FAM81A: variants seen among roughly 807,000 people sequenced by gnomAD.
FAM81A encodes the protein family with sequence similarity 81 member A.
FAM81A carries 19 observed loss-of-function variants against 46.7 expected under a neutral mutation model. The ratio of observed to expected loss-of-function variants is 0.41; its 90% CI spans 0.28 to 0.60. FAM81A has a LOEUF of 0.60. Among genes scored for constraint, FAM81A ranks in the 20% least tolerant of loss-of-function variants. FAM81A has a pLI of 0.34. For synonymous variants in FAM81A, 183 were observed against 152.9 expected, an observed-to-expected ratio of 1.20 and a Z score of -1.45; for missense variants, 377 against 453.5, an observed-to-expected ratio of 0.83 and a Z score of 1.53.
intron 4 of FAM81A, among the ~76,000 whole-genome samples, 169 bp from the exon 5 acceptor site, chr15:59,507,044 A>T (rs2082156482): frequency 6.6e-6 from 1 of 152,264 alleles, no homozygotes; most frequent in South Asian, 2.1e-4. Flanking sequence ...GGTTTACCTT[A>T]AAAACCATAA....
chr15:59,496,050 T>C (rs2082029921), intron 4 of FAM81A, among the ~76,000 whole-genome samples: 1 of 152,228 alleles, frequency 6.6e-6, no homozygotes, highest in Non-Finnish European at 1.5e-5. Flanking sequence ...TTTTCTTCAG[T>C]TGCTAGTGTT....
intron 2 of FAM81A, among the ~76,000 whole-genome samples, chr15:59,426,527 G>T (rs1388894932): frequency 1.3e-5 from 2 of 152,178 alleles, no homozygotes; most frequent in East Asian, 3.9e-4. Flanking sequence ...CAGGAGAATC[G>T]CTTGAACCCA....
Position 59,472,201 on chromosome 15 carries a change from C to T in FAM81A, c.294+11995C>T, listed in dbSNP as rs369464029. ...TAAAACCTGAGCAGGCTGGGCTGGG[C>T]GCGGTGGCTCATACCTGTAATCCCA... On this transcript the variant is annotated intron_variant, in intron 3 of 8. Coordinates refer to ENST00000288228, the MANE Select transcript of FAM81A (RefSeq NM_152450.3). Among the ~76,000 whole-genome samples the T allele has an allele frequency of 7.1e-4, 108 of 152,034 alleles. No individual in the cohort carries two copies. The East Asian group carries it at 0.015, about 21-fold the overall frequency.
intron 1 of FAM81A, among the ~76,000 whole-genome samples, chr15:59,444,720 G>A (rs8025450): frequency 0.54 from 81,820 of 151,984 alleles, 22,671 homozygotes; most frequent in Non-Finnish European, 0.62. Flanking sequence ...CTCTCTCTTA[G>A]TAACTCTTCT....
intron 2 of FAM81A, 130 bp downstream of exon 2, chr15:59,458,776 C>T (rs185092645): frequency 8.4e-6 from 7 of 835,112 alleles, no homozygotes; most frequent in African/African-American, 3.4e-5. Flanking sequence ...ATTGTGTCCT[C>T]TAGCTTTCAA....
At chr15:59,465,737 G>A (rs180990473) in intron 3 of FAM81A, among the ~76,000 whole-genome samples, 20 of 151,806 alleles carry the variant, frequency 1.3e-4, no homozygotes, top group African/African-American at 3.9e-4. Context: ...GGGTACATGC[G>A]CACAACGTGC....
intron 3 of FAM81A, among the ~76,000 whole-genome samples, chr15:59,482,105 T>G (rs2141717037): frequency 6.6e-6 from 1 of 152,248 alleles, no homozygotes; most frequent in East Asian, 1.9e-4. Flanking sequence ...TGATTTGTAC[T>G]TCTTATTTCT....
chr15:59,465,866 C>A (rs1352460907), intron 3 of FAM81A, among the ~76,000 whole-genome samples: 1 of 152,092 alleles, frequency 6.6e-6, no homozygotes, highest in African/African-American at 2.4e-5. Flanking sequence ...CGCTGACAGA[C>A]CCCGGTGTGT....
intron 2 of FAM81A, among the ~76,000 whole-genome samples, chr15:59,458,951 A>G (rs1284049202): frequency 2.6e-5 from 4 of 152,236 alleles, no homozygotes; most frequent in African/African-American, 7.2e-5. Context: ...TTAGGGGCCT[A>G]TCGGCCAAAA....
chr15:59,413,483 C>A (rs535989849), intron 2 of FAM81A, among the ~76,000 whole-genome samples: 2 of 151,898 alleles, frequency 1.3e-5, no homozygotes, highest in African/African-American at 4.8e-5. Flanking sequence ...CTATATCACA[C>A]CCTGTGAACT....
chr15:59,487,676 A>G (rs866469356), intron 3 of FAM81A, among the ~76,000 whole-genome samples: 7 of 152,176 alleles, frequency 4.6e-5, no homozygotes, highest in Non-Finnish European at 5.9e-5. Context: ...AAATTCTTAG[A>G]CACATACAAC....
At chr15:59,411,999 A>G (rs369716055) in intron 2 of FAM81A, among the ~76,000 whole-genome samples, 1 of 151,878 alleles carries the variant, frequency 6.6e-6, no homozygotes, top group African/African-American at 2.4e-5. Context: ...AACAAACAAA[A>G]AAAAAAAACG....
chr15:59,457,645 T>A (rs1278380504), intron 1 of FAM81A, among the ~76,000 whole-genome samples: 1 of 152,076 alleles, frequency 6.6e-6, no homozygotes, highest in Admixed American at 6.6e-5. Context: ...CATGAATGAC[T>A]TTTTTTTCCT....
intron 3 of FAM81A, among the ~76,000 whole-genome samples, chr15:59,482,065 C>T (rs1276373578): frequency 6.6e-6 from 1 of 152,060 alleles, no homozygotes; most frequent in Non-Finnish European, 1.5e-5. Context: ...CTATCAACAT[C>T]CCACACCAGA....
At chr15:59,462,941 A>G (rs1319597821) in intron 3 of FAM81A, among the ~76,000 whole-genome samples, 8 of 152,300 alleles carry the variant, frequency 5.3e-5, no homozygotes, top group African/African-American at 1.9e-4. Flanking sequence ...TGATCTACAA[A>G]TATTTTCTCC....
chr15:59,456,594 T>A (rs577063040), intron 1 of FAM81A, among the ~76,000 whole-genome samples: 39 of 152,252 alleles, frequency 2.6e-4, no homozygotes, highest in African/African-American at 9.2e-4. Context: ...TGTTTGTATT[T>A]GAGACAGAGT....
intron 3 of FAM81A, 29 bp from the exon 4 acceptor site, chr15:59,492,242 A>G: frequency 6.6e-7 from 1 of 1,520,218 alleles, no homozygotes; most frequent in Non-Finnish European, 9.1e-7. Flanking sequence ...TTCTTAGATG[A>G]CTCCCTTAGT....
chr15:59,481,919 T>G (rs2081857096), intron 3 of FAM81A, among the ~76,000 whole-genome samples: 1 of 151,908 alleles, frequency 6.6e-6, no homozygotes, highest in Admixed American at 6.6e-5. Context: ...ATTTAAAATA[T>G]TTGCTTCTTT....
intron 1 of FAM81A, among the ~76,000 whole-genome samples, chr15:59,451,755 C>G (rs2081421799): frequency 6.6e-6 from 1 of 152,174 alleles, no homozygotes; most frequent in South Asian, 2.1e-4. Flanking sequence ...ATCTGGTCAC[C>G]AATACATTTT....
Sources: gnomAD v4.1 joint callset for allele counts (sites outside exome capture counted in the v4.1 genomes callset) on GRCh38, gnomAD v4.1.1 for gene constraint, MANE v1.5 for transcripts, NCBI Gene and HGNC (gene_info 2026-07-23, HGNC 2026-07-21) for gene names.